CAMKMT: variants seen among roughly 807,000 people sequenced by gnomAD.
CAMKMT encodes CaM KMT.
A neutral mutation model predicts 48.0 loss-of-function variants in CAMKMT; 53 were observed. That is an observed-to-expected ratio of 1.10 (90% CI 0.89 to 1.39). The LOEUF is 1.39. Ranked by LOEUF, CAMKMT falls within the 40% of genes most tolerant of loss-of-function variation. The pLI is 0.00. For missense variants in CAMKMT, 428 were observed against 402.7 expected, an observed-to-expected ratio of 1.06 and a Z score of -0.54; for synonymous variants, 165 against 152.3, an observed-to-expected ratio of 1.08 and a Z score of -0.61.
intron 7 of CAMKMT, among the ~76,000 whole-genome samples, chr2:44,726,650 T>C (rs1395427698): frequency 3.3e-5 from 5 of 152,236 alleles, no homozygotes; most frequent in Non-Finnish European, 5.9e-5. Flanking sequence ...ATTTTTGTTT[T>C]TGTTGCAGTT....
intron 8 of CAMKMT, among the ~76,000 whole-genome samples, chr2:44,753,400 A>C (rs539190830): frequency 6.7e-6 from 1 of 150,242 alleles, no homozygotes; most frequent in South Asian, 2.1e-4. Context: ...ATCCTGTCTC[A>C]GAAACAAAAA....
In CAMKMT at chr2:44,550,389, CAAAAAAAGAAAA is replaced by C. The variant is rs371658487; in HGVS notation, c.377-153882_377-153871del. On this transcript the variant is annotated intron_variant, in intron 3 of 10. Coordinates refer to ENST00000378494, the MANE Select transcript of CAMKMT (RefSeq NM_024766.5). Reference sequence around the variant, plus strand: ...TGGGTGACAGAGTGAGACTCTGTCTCAAAAAAAGAAAAAAAAAAAGAAAGAAAAAAGACTGAC... The same window carrying C: ...TGGGTGACAGAGTGAGACTCTGTCTCAAAAAAAGAAAGAAAAAAGACTGAC... Among the ~76,000 whole-genome samples the C allele has an allele frequency of 4.7e-3, 536 of 114,448 alleles. 4 individuals are homozygous for C. Among genetic ancestry groups the C allele is most frequent in the African/African-American group, 0.017 (511 of 29,906 alleles). The allele number at this position is 114,448 out of a possible 152,430, so 75.1% of individuals were successfully genotyped here.
chr2:44,395,818 G>A (rs900226245), intron 3 of CAMKMT, among the ~76,000 whole-genome samples: 1 of 152,058 alleles, frequency 6.6e-6, no homozygotes, highest in Non-Finnish European at 1.5e-5. Context: ...ATACAAGATA[G>A]AAGATATTTT....
At chr2:44,506,882 A>G (rs577188859) in intron 3 of CAMKMT, among the ~76,000 whole-genome samples, 1 of 152,288 alleles carries the variant, frequency 6.6e-6, no homozygotes, top group African/African-American at 2.4e-5. Flanking sequence ...TTGCAAATTT[A>G]TGCTGATCAA....
chr2:44,762,908 C>T (rs79415842), intron 9 of CAMKMT, among the ~76,000 whole-genome samples: 3,641 of 152,200 alleles, frequency 0.024, 81 homozygotes, highest in African/African-American at 0.05. Flanking sequence ...AATTCTGCAA[C>T]GGAATGCTTA....
intron 3 of CAMKMT, among the ~76,000 whole-genome samples, chr2:44,604,648 A>G (rs757102694): frequency 7.9e-5 from 12 of 151,812 alleles, no homozygotes; most frequent in Non-Finnish European, 1.8e-4. Flanking sequence ...GAGATTCTGA[A>G]CCATTAATAT....
intron 3 of CAMKMT, among the ~76,000 whole-genome samples, chr2:44,592,297 CT>C (rs35393659): frequency 0.62 from 93,549 of 151,252 alleles, 29,404 homozygotes; most frequent in Admixed American, 0.69. Flanking sequence ...CTTGAATAAT[CT>C]TTGATAGTTG....
intron 7 of CAMKMT, among the ~76,000 whole-genome samples, chr2:44,731,251 G>T (rs1313366671): frequency 1.3e-5 from 2 of 152,170 alleles, no homozygotes; most frequent in Non-Finnish European, 2.9e-5. Flanking sequence ...TGAGGCAGGA[G>T]AATTGCTTGA....
rs555351309 is a variant in CAMKMT, at chr2:44,733,175, T to C, written c.624-10447T>C. On this transcript the variant is annotated intron_variant, in intron 7 of 10. Coordinates refer to ENST00000378494, the MANE Select transcript of CAMKMT (RefSeq NM_024766.5). ...AATTGTTAAAACATCATTTCATCCT[T>C]TGCTCACCAAATTGCCTCCATTTAC... is the stretch of plus-strand genomic sequence containing the variant. Among the ~76,000 whole-genome samples, 3 of 152,346 alleles carry C rather than the reference T, an allele frequency of 2.0e-5. No individual in the cohort carries two copies. The East Asian group carries it at 5.8e-4, about 29-fold the overall frequency.
intron 3 of CAMKMT, among the ~76,000 whole-genome samples, chr2:44,607,817 T>G (rs7578811): frequency 0.67 from 102,143 of 151,900 alleles, 34,931 homozygotes; most frequent in African/African-American, 0.74. Context: ...TATATGCTCA[T>G]TACTTTATTT....
chr2:44,383,978 T>C (rs1680520601), intron 2 of CAMKMT, among the ~76,000 whole-genome samples: 1 of 152,200 alleles, frequency 6.6e-6, no homozygotes, highest in South Asian at 2.1e-4. Context: ...TATTTTCCTC[T>C]GGGTAGATAC....
chr2:44,511,131 G>A (rs187227236), intron 3 of CAMKMT, among the ~76,000 whole-genome samples: 2,201 of 151,238 alleles, frequency 0.015, 50 homozygotes, highest in African/African-American at 0.051. Context: ...GTGAGCCACT[G>A]TGCCTGGCCC....
intron 3 of CAMKMT, among the ~76,000 whole-genome samples, chr2:44,655,548 A>G (rs1674332177): frequency 6.6e-6 from 1 of 152,176 alleles, no homozygotes. Context: ...AAAGTGACTC[A>G]TTACAGGTGC....
chr2:44,569,318 G>A (rs1052015045), intron 3 of CAMKMT, among the ~76,000 whole-genome samples: 27 of 152,092 alleles, frequency 1.8e-4, no homozygotes, highest in Non-Finnish European at 3.7e-4. Flanking sequence ...AATATCATCG[G>A]CTTCTTACAG....
chr2:44,742,432 A>G (rs1275633591), intron 7 of CAMKMT, among the ~76,000 whole-genome samples: 1 of 152,092 alleles, frequency 6.6e-6, no homozygotes, highest in Non-Finnish European at 1.5e-5. Flanking sequence ...TATTCACCCA[A>G]TGCATAGGAT....
intron 3 of CAMKMT, among the ~76,000 whole-genome samples, chr2:44,540,179 T>A (rs181446498): frequency 2.0e-5 from 3 of 151,928 alleles, no homozygotes; most frequent in Non-Finnish European, 2.9e-5. Context: ...TATGTACATA[T>A]GTTTTAGTAT....
At chr2:44,621,063 CAG>C (rs1393284241) in intron 3 of CAMKMT, among the ~76,000 whole-genome samples, 1 of 151,972 alleles carries the variant, frequency 6.6e-6, no homozygotes, top group Non-Finnish European at 1.5e-5. Context: ...GGTCAGGAGA[CAG>C]AGACCATCCT....
intron 3 of CAMKMT, among the ~76,000 whole-genome samples, chr2:44,681,183 C>G (rs1293476938): frequency 2.0e-5 from 3 of 152,164 alleles, no homozygotes; most frequent in Non-Finnish European, 4.4e-5. Flanking sequence ...CCATTTATGT[C>G]TATTTTTATA....
At chr2:44,515,311 G>A (rs550879240) in intron 3 of CAMKMT, among the ~76,000 whole-genome samples, 1 of 152,292 alleles carries the variant, frequency 6.6e-6, no homozygotes, top group East Asian at 1.9e-4. Flanking sequence ...GTGGGACTGG[G>A]AGGAGTTAGG....
Sources: allele counts gnomAD v4.1 joint callset (sites outside exome capture counted in the v4.1 genomes callset), GRCh38; gene constraint gnomAD v4.1.1; transcripts MANE v1.5; gene names NCBI Gene and HGNC (gene_info 2026-07-23, HGNC 2026-07-21).